The following CLNK variants were observed in gnomAD, a reference collection of about 807,000 sequenced individuals.
CLNK encodes the protein cytokine-dependent hematopoietic cell linker.
CLNK carries 74 observed loss-of-function variants against 68.6 expected under a neutral mutation model. The ratio of observed to expected loss-of-function variants is 1.08; its 90% CI spans 0.89 to 1.31. CLNK has a LOEUF of 1.31. Ranked by LOEUF, CLNK falls within the 50% of genes most tolerant of loss-of-function variation. CLNK has a pLI of 0.00. For synonymous variants in CLNK, 198 were observed against 172.2 expected (o/e 1.15, Z -1.17); for missense variants, 553 against 515.3 (o/e 1.07, Z -0.71).
chr4:10,585,957 C>T (rs910168031), intron 3 of CLNK, among the ~76,000 whole-genome samples: 6 of 152,034 alleles, frequency 3.9e-5, no homozygotes, highest in African/African-American at 7.2e-5. Context: ...GGGATGGTTT[C>T]GGGATGAAGG....
intron 2 of CLNK, among the ~76,000 whole-genome samples, chr4:10,649,315 G>A (rs1419972553): frequency 2.0e-5 from 3 of 152,102 alleles, no homozygotes; most frequent in African/African-American, 7.2e-5. Flanking sequence ...GTTAATAGAT[G>A]CCAAAAGCAG....
intron 8 of CLNK, among the ~76,000 whole-genome samples, chr4:10,555,159 A>G (rs1050042326): frequency 1.3e-5 from 2 of 152,140 alleles, no homozygotes; most frequent in Non-Finnish European, 2.9e-5. Context: ...CTTCTTTTCA[A>G]TCAGCTCGTG....
rs553744617 is a variant in CLNK, at chr4:10,531,720, C to T, written c.630+536G>A. ...CCTCCCAAAGTGCTGGGATTACAGGCGTGAGCCACTGCACCTGGCCCCCAT... is the reference window on the plus strand; with the variant it reads ...CCTCCCAAAGTGCTGGGATTACAGGTGTGAGCCACTGCACCTGGCCCCCAT... On this transcript the variant is annotated intron_variant, in intron 12 of 18. Coordinates refer to ENST00000226951, the MANE Select transcript of CLNK (RefSeq NM_052964.4). The T allele has an allele frequency of 2.6e-4, 120 of 456,646 alleles. No individual in the cohort carries two copies. In the East Asian group the frequency reaches 5.7e-3, roughly 22 times the overall value. The allele number at this position is 456,646 out of a possible 1,614,324, so 28.3% of individuals were successfully genotyped here. A position where few individuals can be genotyped will look rare whatever the true frequency, so the allele number is the denominator to read the frequency against.
At chr4:10,522,704 G>C (rs2109049221) in intron 14 of CLNK, among the ~76,000 whole-genome samples, 1 of 152,280 alleles carries the variant, frequency 6.6e-6, no homozygotes, top group Non-Finnish European at 1.5e-5. Context: ...GCCTCTGCCT[G>C]AATGAAGCTT....
intron 2 of CLNK, among the ~76,000 whole-genome samples, chr4:10,666,306 C>A (rs1417871236): frequency 2.0e-5 from 3 of 152,224 alleles, no homozygotes; most frequent in Non-Finnish European, 4.4e-5. Context: ...ACCTGCTGTG[C>A]TGTGTATGCC....
At chr4:10,639,835 T>C (rs1295959878) in intron 2 of CLNK, among the ~76,000 whole-genome samples, 1 of 152,230 alleles carries the variant, frequency 6.6e-6, no homozygotes, top group Non-Finnish European at 1.5e-5. Context: ...GCCTGACAAA[T>C]ATTCTCTTGT....
At chr4:10,674,837 T>C (rs1724806928) in intron 1 of CLNK, among the ~76,000 whole-genome samples, 1 of 152,186 alleles carries the variant, frequency 6.6e-6, no homozygotes, top group Non-Finnish European at 1.5e-5. Flanking sequence ...CCCCCATTTA[T>C]GAGTAAGAAC....
intron 2 of CLNK, among the ~76,000 whole-genome samples, chr4:10,612,513 T>A (rs1722070244): frequency 6.6e-6 from 1 of 152,266 alleles, no homozygotes; most frequent in East Asian, 1.9e-4. Flanking sequence ...GTATATTGTT[T>A]GCAGCTGCAC....
the CLNK span, among the ~76,000 whole-genome samples, chr4:10,729,021 A>G: frequency 6.6e-6 from 1 of 152,180 alleles, no homozygotes; most frequent in African/African-American, 2.4e-5. Context: ...TTTTGCCATG[A>G]ACTTCAACCC....
chr4:10,577,571 C>A (rs1720614297), intron 4 of CLNK, among the ~76,000 whole-genome samples: 3 of 152,280 alleles, frequency 2.0e-5, no homozygotes, highest in South Asian at 4.2e-4. Context: ...CAGGATACTC[C>A]CTGAAGTTGT....
chr4:10,602,690 T>C (rs1721634033), intron 2 of CLNK, among the ~76,000 whole-genome samples: 1 of 152,180 alleles, frequency 6.6e-6, no homozygotes, highest in Non-Finnish European at 1.5e-5. Flanking sequence ...GGCAATTTGT[T>C]ATGGCAGCCG....
intron 2 of CLNK, among the ~76,000 whole-genome samples, chr4:10,608,866 C>T (rs543880805): frequency 3.3e-5 from 5 of 152,278 alleles, no homozygotes; most frequent in African/African-American, 1.2e-4. Flanking sequence ...TTAGAACTGG[C>T]GTTTGGTGAG....
At chr4:10,732,847 G>A in the CLNK span, among the ~76,000 whole-genome samples, 1 of 151,958 alleles carries the variant, frequency 6.6e-6, no homozygotes, top group African/African-American at 2.4e-5. Flanking sequence ...TCCTTGAAGT[G>A]TCAGACAATT....
At chr4:10,673,934 G>A (rs1234223908) in intron 1 of CLNK, among the ~76,000 whole-genome samples, 1 of 152,186 alleles carries the variant, frequency 6.6e-6, no homozygotes, top group African/African-American at 2.4e-5. Context: ...AACTCATGGT[G>A]TGTGTGCATT....
At position 10,488,310 on chromosome 4, in the gene CLNK, T is replaced by A. The variant is rs1311414253; in HGVS notation, c.*2157A>T. The A allele has an allele frequency of 1.3e-5, 2 of 152,252 alleles. No homozygotes were observed. Among genetic ancestry groups the A allele is most frequent in the African/African-American group, 2.4e-5 (1 of 41,478 alleles). The allele number at this position is 152,252 out of a possible 1,614,324, so 9.4% of individuals were successfully genotyped here. Reference sequence around the variant, plus strand: ...CAATGGTTGAGAGGACTCATAGACATTTCTTGAGAACATAGCATTGAATGG... The same window carrying A: ...CAATGGTTGAGAGGACTCATAGACAATTCTTGAGAACATAGCATTGAATGG... On this transcript the variant is annotated 3_prime_UTR_variant, in exon 19 of 19. Transcript: ENST00000226951.
chr4:10,679,193 G>A (rs1486578339), intron 1 of CLNK, among the ~76,000 whole-genome samples: 1 of 152,054 alleles, frequency 6.6e-6, no homozygotes, highest in Non-Finnish European at 1.5e-5. Context: ...ACAGAACAGA[G>A]CCCTCAGAAA....
chr4:10,539,360 A>T (rs906831585), intron 11 of CLNK, among the ~76,000 whole-genome samples: 1 of 152,234 alleles, frequency 6.6e-6, no homozygotes. Context: ...AATGTTCCCC[A>T]TTAGAATCAG....
At chr4:10,499,062 C>T (rs1716927734) in intron 18 of CLNK, among the ~76,000 whole-genome samples, 2 of 145,300 alleles carry the variant, frequency 1.4e-5, no homozygotes, top group Admixed American at 7.1e-5. Context: ...ATTATCAGTA[C>T]CAGCTCACAT....
chr4:10,667,187 CTCTT>C (rs1204025020), intron 2 of CLNK, among the ~76,000 whole-genome samples: 4 of 152,152 alleles, frequency 2.6e-5, no homozygotes, highest in Admixed American at 2.6e-4. Context: ...GAAACTCCTG[CTCTT>C]TCTAATACTA....
Sources: gnomAD v4.1 joint callset for allele counts (sites outside exome capture counted in the v4.1 genomes callset) on GRCh38, gnomAD v4.1.1 for gene constraint, MANE v1.5 for transcripts, NCBI Gene and HGNC (gene_info 2026-07-23, HGNC 2026-07-21) for gene names.